NCKAP5: variants seen among roughly 807,000 people sequenced by gnomAD.
NCKAP5 encodes the protein NCK associated protein 5.
Under a neutral mutation model 167.0 loss-of-function variants are expected in NCKAP5, and 92 were observed. That is an observed-to-expected ratio of 0.55 (90% CI 0.47 to 0.66). NCKAP5 has a LOEUF of 0.66. NCKAP5 is among the 30% of genes least tolerant of loss of function. NCKAP5 has a pLI of 0.00. For missense variants in NCKAP5, 2,378 were observed against 2,315.0 expected (o/e 1.03, Z -0.56); for synonymous variants, 891 against 877.4 (o/e 1.02, Z -0.27).
rs148428031 is a variant in NCKAP5 at position 133,161,065 on chromosome 2, C to T, written c.208-30954G>A. ...CTCTGCCTCCTGTCAGGTCAGCGGC[C>T]GCATTAGATTATCATAGGAGTGCAA... is the stretch of plus-strand genomic sequence containing the variant. On this transcript the variant is annotated intron_variant, in intron 5 of 19. Coordinates refer to ENST00000409261, the MANE Select transcript of NCKAP5 (RefSeq NM_207363.3). Among the ~76,000 whole-genome samples the T allele has an allele frequency of 3.3e-5, 5 of 152,194 alleles. No homozygotes were observed. In the East Asian group the frequency reaches 5.8e-4, roughly 18 times the overall value.
intron 11 of NCKAP5, among the ~76,000 whole-genome samples, chr2:132,836,362 G>A (rs1301358056): frequency 6.6e-6 from 1 of 151,656 alleles, no homozygotes; most frequent in Admixed American, 6.6e-5. Context: ...TGACTAAATG[G>A]CGCACTCCAT....
intron 3 of NCKAP5, among the ~76,000 whole-genome samples, chr2:133,339,446 G>A (rs1349925264): frequency 6.6e-6 from 1 of 152,140 alleles, no homozygotes; most frequent in Non-Finnish European, 1.5e-5. Context: ...GTCTTTCAAA[G>A]ATGAAATAAT....
intron 3 of NCKAP5, among the ~76,000 whole-genome samples, chr2:133,423,017 TGG>T (rs1360023161): frequency 1.3e-5 from 2 of 152,146 alleles, no homozygotes; most frequent in African/African-American, 4.8e-5. Flanking sequence ...AAACACAGCC[TGG>T]GGATCTCAAT....
intron 2 of NCKAP5, among the ~76,000 whole-genome samples, chr2:133,539,090 G>C (rs560046986): frequency 3.2e-4 from 48 of 151,898 alleles, no homozygotes; most frequent in African/African-American, 1.1e-3. Flanking sequence ...ACAGGCGCCA[G>C]CCACCACGCC....
intron 6 of NCKAP5, among the ~76,000 whole-genome samples, chr2:133,029,146 T>C (rs917291690): frequency 1.3e-5 from 2 of 152,208 alleles, no homozygotes; most frequent in Non-Finnish European, 1.5e-5. Flanking sequence ...TTCTCGGCTA[T>C]GTCCTAGGGA....
chr2:132,706,045 T>C (rs530438966), intron 19 of NCKAP5, among the ~76,000 whole-genome samples: 36 of 152,232 alleles, frequency 2.4e-4, no homozygotes, highest in Non-Finnish European at 4.3e-4. Context: ...AAATACAACA[T>C]ACATATATAT....
At chr2:133,528,722 G>A (rs192180406) in intron 2 of NCKAP5, among the ~76,000 whole-genome samples, 141 of 152,266 alleles carry the variant, frequency 9.3e-4, no homozygotes, top group African/African-American at 3.1e-3. Context: ...CATGATTCTC[G>A]TGTTACCCTT....
At chr2:133,338,371 A>G (rs944824260) in intron 3 of NCKAP5, among the ~76,000 whole-genome samples, 1 of 152,210 alleles carries the variant, frequency 6.6e-6, no homozygotes, top group Non-Finnish European at 1.5e-5. Flanking sequence ...TCTTAGTAAC[A>G]GAATGTAGTA....
At chr2:133,570,472 TG>T (rs1429781648), upstream of NCKAP5, among the ~76,000 whole-genome samples, 2 of 152,154 alleles carry the variant, frequency 1.3e-5, no homozygotes, top group East Asian at 3.8e-4. Context: ...CAATGGTATG[TG>T]GGAGTGGAAT....
rs1006538201 is a variant in NCKAP5, at chr2:132,725,712, A to G, written c.5628T>C (p.Asn1876=). The G allele has an allele frequency of 1.2e-5, 19 of 1,613,524 alleles. No homozygotes were observed. Among genetic ancestry groups the G allele is most frequent in the Non-Finnish European group, 1.5e-5 (18 of 1,179,798 alleles). ...CTCCATAGTCCAGGTCACTGTCACT[A>G]TTACTGCCACCGCTGGCAGAGTACG... The part of the protein sequence containing the change: ...MCTYSASGGS[N]SDSDLDYGDN... Residue 1876 remains asparagine (N), a synonymous_variant, in exon 19 of 20, where the codon AAT becomes AAC. Transcript: ENST00000409261.
chr2:133,440,889 CACAG>C (rs748145942), intron 3 of NCKAP5, among the ~76,000 whole-genome samples: 15 of 152,176 alleles, frequency 9.9e-5, no homozygotes, highest in East Asian at 1.9e-4. Flanking sequence ...GAGCGCCTGA[CACAG>C]ACAAAGATTT....
At chr2:133,067,132 T>C (rs2080226964) in intron 6 of NCKAP5, among the ~76,000 whole-genome samples, 1 of 152,218 alleles carries the variant, frequency 6.6e-6, no homozygotes, top group African/African-American at 2.4e-5. Flanking sequence ...CTCAAAGTGC[T>C]GGGATTACAG....
intron 6 of NCKAP5, among the ~76,000 whole-genome samples, chr2:133,105,765 G>A (rs752507632): frequency 6.6e-6 from 1 of 152,224 alleles, no homozygotes; most frequent in Non-Finnish European, 1.5e-5. Flanking sequence ...TGGGCAGAGG[G>A]TCTGAAGGAA....
chr2:133,042,627 A>C (rs16846080), intron 6 of NCKAP5, among the ~76,000 whole-genome samples: 17,327 of 152,202 alleles, frequency 0.11, 3,255 homozygotes, highest in African/African-American at 0.39. Flanking sequence ...TAGCTACTCT[A>C]TAAACTGATC....
chr2:133,607,199 T>C, the NCKAP5 span, among the ~76,000 whole-genome samples: 3 of 152,188 alleles, frequency 2.0e-5, no homozygotes, highest in Admixed American at 6.5e-5. Flanking sequence ...CAAGAGCAAA[T>C]GCCAAAGAGT....
chr2:133,534,082 G>GGA lies in NCKAP5; in HGVS notation c.-61-16496_-61-16495insTC, dbSNP rs936592335. On this transcript the variant is annotated intron_variant, in intron 2 of 19. Transcript: ENST00000409261. ...ACATTTTGCTGTGTAGATGGTTTCA[G>GGA]TGGAGGTTAGAAAAATGTTGATCCA... 5.3e-5 allele frequency among the ~76,000 whole-genome samples: 8 copies of GGA among 152,168 alleles called. No individual in the cohort carries two copies. The East Asian group carries it at 1.5e-3, about 29-fold the overall frequency.
intron 11 of NCKAP5, among the ~76,000 whole-genome samples, chr2:132,839,041 C>A (rs72991354): frequency 0.079 from 11,990 of 152,168 alleles, 948 homozygotes; most frequent in African/African-American, 0.19. Flanking sequence ...ATATTTGTTC[C>A]ATTTTCTAGC....
chr2:133,116,529 A>G (rs564857455), intron 6 of NCKAP5, among the ~76,000 whole-genome samples: 7 of 150,596 alleles, frequency 4.6e-5, no homozygotes, highest in African/African-American at 1.7e-4. Context: ...AAAATTTGTC[A>G]GTCATGCAGA....
chr2:133,400,738 A>C (rs889047577), intron 3 of NCKAP5, among the ~76,000 whole-genome samples: 1 of 152,204 alleles, frequency 6.6e-6, no homozygotes. Flanking sequence ...AAACTAATAC[A>C]ATGATTAAAT....
Sources: allele counts gnomAD v4.1 joint callset (sites outside exome capture counted in the v4.1 genomes callset), GRCh38; gene constraint gnomAD v4.1.1; transcripts MANE v1.5; gene names NCBI Gene and HGNC (gene_info 2026-07-23, HGNC 2026-07-21).